Variants in CNTNAP2 observed in about 807,000 individuals in gnomAD.
CNTNAP2 encodes contactin-associated protein-like 2.
In CNTNAP2, 98 loss-of-function variants were observed where a neutral mutation model predicts 155.2. The observed-to-expected ratio is 0.63, with a 90% CI of 0.54 to 0.75. The LOEUF (loss-of-function observed/expected upper bound fraction) is 0.75, where lower values mean the gene tolerates loss of function less well. Among genes scored for constraint, CNTNAP2 ranks in the 30% least tolerant of loss-of-function variants. CNTNAP2 has a pLI of 0.00. For synonymous variants in CNTNAP2, 651 were observed against 631.2 expected, an observed-to-expected ratio of 1.03 and a Z score of -0.47; for missense variants, 1,727 against 1,688.1, an observed-to-expected ratio of 1.02 and a Z score of -0.40.
At chr7:146,237,054 G>GT (rs1051833627) in intron 1 of CNTNAP2, among the ~76,000 whole-genome samples, 1 of 152,128 alleles carries the variant, frequency 6.6e-6, no homozygotes, top group African/African-American at 2.4e-5. Context: ...GAAAAACACG[G>GT]GGGGAGCTAA....
rs573254525 is a variant in CNTNAP2 at position 147,086,397 on chromosome 7, C to T, written c.551-21750C>T. ...ATACATCCACAGAAAATATGTTTCTCTTTCTTTTTCTTTTCATAAAATTTA... is the reference window on the plus strand; with the variant it reads ...ATACATCCACAGAAAATATGTTTCTTTTTCTTTTTCTTTTCATAAAATTTA... On this transcript the variant is annotated intron_variant, in intron 4 of 23. Transcript: ENST00000361727. 9.9e-4 allele frequency among the ~76,000 whole-genome samples: 150 copies of T among 151,848 alleles called. 1 individual carries two copies. The South Asian group carries it at 0.018, about 19-fold the overall frequency.
intron 21 of CNTNAP2, among the ~76,000 whole-genome samples, chr7:148,368,551 A>G (rs1275279614): frequency 1.3e-5 from 2 of 152,186 alleles, no homozygotes; most frequent in African/African-American, 4.8e-5. Flanking sequence ...AATGGGTCCA[A>G]AATTGTACCA....
Position 146,480,768 on chromosome 7 carries a change from C to G in CNTNAP2, c.98-293503C>G, listed in dbSNP as rs931253654. Among the ~76,000 whole-genome samples, 21 of 149,200 alleles carry G rather than the reference C, an allele frequency of 1.4e-4. No individual in the cohort carries two copies. The Middle Eastern group carries it at 0.01, about 74-fold the overall frequency. ...CAGTGGTGCGATCTCGGCTCACCTC[C>G]GCCTCCCGGGTTCACGCCATTCTCC... On this transcript the variant is annotated intron_variant, in intron 1 of 23. Coordinates refer to ENST00000361727, the MANE Select transcript of CNTNAP2 (RefSeq NM_014141.6).
At chr7:147,565,381 A>T in intron 12 of CNTNAP2, among the ~76,000 whole-genome samples, 1 of 151,350 alleles carries the variant, frequency 6.6e-6, no homozygotes, top group Non-Finnish European at 1.5e-5. Flanking sequence ...GCTTTTTTTT[A>T]TTATTATTTT....
chr7:147,102,527 A>C (rs1460678889), intron 4 of CNTNAP2, among the ~76,000 whole-genome samples: 3 of 152,162 alleles, frequency 2.0e-5, no homozygotes, highest in South Asian at 2.1e-4. Flanking sequence ...AATATCAAGC[A>C]CTGAAGGGGA....
intron 1 of CNTNAP2, among the ~76,000 whole-genome samples, chr7:146,460,869 A>G (rs1188121471): frequency 6.6e-6 from 1 of 152,230 alleles, no homozygotes. Context: ...AATTTCAGTT[A>G]CATAAGATAA....
chr7:147,929,660 C>T (rs1471709567), intron 14 of CNTNAP2, among the ~76,000 whole-genome samples: 1 of 152,102 alleles, frequency 6.6e-6, no homozygotes, highest in Non-Finnish European at 1.5e-5. Flanking sequence ...TCCAAAATGC[C>T]TGTATTTTGC....
In CNTNAP2 at chr7:146,717,687, C is replaced by T. The variant is rs149357865; in HGVS notation, c.98-56584C>T. ...ATTTAACTTAGTTTTATTTAACTCA[C>T]CTTGGTTTTATTCATTGAGTAGTGA... On this transcript the variant is annotated intron_variant, in intron 1 of 23. Coordinates refer to ENST00000361727, the MANE Select transcript of CNTNAP2 (RefSeq NM_014141.6). Among the ~76,000 whole-genome samples, 325 of 151,786 alleles carry T rather than the reference C, an allele frequency of 2.1e-3. 1 individual carries two copies. The highest frequency in any genetic ancestry group is 7.5e-3 in the African/African-American group (310 of 41,416).
intron 13 of CNTNAP2, among the ~76,000 whole-genome samples, chr7:147,807,223 T>C (rs985495564): frequency 2.7e-5 from 4 of 148,680 alleles, no homozygotes; most frequent in African/African-American, 1.0e-4. Flanking sequence ...CTTGAGAGGC[T>C]GAGCTGGGAG....
chr7:148,131,612 T>C (rs1299432840), intron 16 of CNTNAP2, among the ~76,000 whole-genome samples: 4 of 152,182 alleles, frequency 2.6e-5, no homozygotes, highest in African/African-American at 7.2e-5. Context: ...TGCTGGATAA[T>C]GAACACATGG....
chr7:146,665,051 C>T (rs571491508), intron 1 of CNTNAP2, among the ~76,000 whole-genome samples: 6 of 152,230 alleles, frequency 3.9e-5, no homozygotes, highest in South Asian at 2.1e-4. Context: ...CAGGTTCAAG[C>T]GCTTCTCGTG....
intron 10 of CNTNAP2, among the ~76,000 whole-genome samples, chr7:147,439,726 G>A (rs932675195): frequency 2.6e-5 from 4 of 151,950 alleles, no homozygotes; most frequent in African/African-American, 9.7e-5. Flanking sequence ...TCTCTCTTTA[G>A]CTCTAATAAT....
intron 21 of CNTNAP2, among the ~76,000 whole-genome samples, chr7:148,356,045 A>G (rs941283398): frequency 1.3e-5 from 2 of 152,210 alleles, no homozygotes; most frequent in African/African-American, 4.8e-5. Context: ...GTGAAAAGAC[A>G]ATTCTGTGCA....
intron 9 of CNTNAP2, among the ~76,000 whole-genome samples, chr7:147,365,399 AAAAAAAAAAC>A (rs1563176838): frequency 6.8e-6 from 1 of 147,322 alleles, no homozygotes. Context: ...AAAAAAAAAA[AAAAAAAAAAC>A]AAAGAAACTT....
intron 21 of CNTNAP2, among the ~76,000 whole-genome samples, chr7:148,330,652 AATGG>A (rs199892901): frequency 4.1e-5 from 6 of 146,692 alleles, no homozygotes; most frequent in Admixed American, 6.7e-5. Context: ...GGACGGATGG[AATGG>A]ATGGATGGAT....
intron 22 of CNTNAP2, 55 bp downstream of exon 22, chr7:148,383,943 CTT>C: frequency 1.3e-6 from 2 of 1,572,868 alleles, no homozygotes; most frequent in Non-Finnish European, 1.7e-6. Flanking sequence ...ACCTCAGTCT[CTT>C]GGGACTATGG....
intron 9 of CNTNAP2, among the ~76,000 whole-genome samples, chr7:147,306,628 C>T (rs895358400): frequency 3.3e-5 from 5 of 152,054 alleles, no homozygotes; most frequent in Non-Finnish European, 7.4e-5. Context: ...TGGAACTAAC[C>T]GAATGTTGTA....
intron 3 of CNTNAP2, among the ~76,000 whole-genome samples, chr7:146,923,383 T>C (rs1488628991): frequency 6.6e-6 from 1 of 152,192 alleles, no homozygotes; most frequent in East Asian, 1.9e-4. Context: ...ATCTCTGCTA[T>C]TATACAGCAT....
chr7:146,633,011 T>C (rs1233486249), intron 1 of CNTNAP2, among the ~76,000 whole-genome samples: 1 of 152,070 alleles, frequency 6.6e-6, no homozygotes, highest in African/African-American at 2.4e-5. Flanking sequence ...ACAATCAATG[T>C]CATTAAAAAA....
Sources: gnomAD v4.1 joint callset for allele counts (sites outside exome capture counted in the v4.1 genomes callset) on GRCh38, gnomAD v4.1.1 for gene constraint, MANE v1.5 for transcripts, NCBI Gene and HGNC (gene_info 2026-07-23, HGNC 2026-07-21) for gene names.